Variants in CALCRL observed in about 807,000 individuals in gnomAD.
The protein encoded by CALCRL is calcitonin receptor like receptor.
CALCRL carries 27 observed loss-of-function variants against 60.4 expected under a neutral mutation model. The observed-to-expected ratio is 0.45, with a 90% CI of 0.33 to 0.62. The LOEUF (loss-of-function observed/expected upper bound fraction) is 0.62, where lower values mean the gene tolerates loss of function less well. Ranked by LOEUF, CALCRL falls within the 20% of genes least tolerant of loss-of-function variation. The probability of loss-of-function intolerance (pLI) is 0.03; values close to 1 mark genes in which losing one functional copy is unlikely to be tolerated. For missense variants in CALCRL, 424 were observed against 540.7 expected, an observed-to-expected ratio of 0.78 and a Z score of 2.14; for synonymous variants, 190 against 182.6, an observed-to-expected ratio of 1.04 and a Z score of -0.33.
intron 14 of CALCRL, among the ~76,000 whole-genome samples, chr2:187,347,984 C>T (rs1337328906): frequency 1.3e-5 from 2 of 151,558 alleles, no homozygotes; most frequent in African/African-American, 4.8e-5. Flanking sequence ...TCAGCCCTTT[C>T]AAGCTCAATT....
intron 9 of CALCRL, among the ~76,000 whole-genome samples, chr2:187,362,246 A>T (rs1263569275): frequency 6.6e-6 from 1 of 152,066 alleles, no homozygotes; most frequent in African/African-American, 2.4e-5. Flanking sequence ...TTAGAATCTC[A>T]TGCTCTGCAG....
At chr2:187,433,433 T>C (rs1223743050) in intron 1 of CALCRL, among the ~76,000 whole-genome samples, 1 of 152,094 alleles carries the variant, frequency 6.6e-6, no homozygotes, top group Non-Finnish European at 1.5e-5. Flanking sequence ...ACAATGTATG[T>C]GTGAACATGT....
chr2:187,407,326 C>T (rs562698297), intron 1 of CALCRL, among the ~76,000 whole-genome samples: 8 of 152,024 alleles, frequency 5.3e-5, no homozygotes, highest in Admixed American at 4.6e-4. Context: ...CAGTAAAACC[C>T]ACATATATTT....
At chr2:187,400,710 G>A (rs1033330240) in intron 1 of CALCRL, among the ~76,000 whole-genome samples, 7 of 151,382 alleles carry the variant, frequency 4.6e-5, no homozygotes, top group African/African-American at 7.3e-5. Flanking sequence ...AGAGGAAGGA[G>A]TACTTAATGC....
intron 1 of CALCRL, among the ~76,000 whole-genome samples, chr2:187,421,065 TC>T (rs1321112341): frequency 6.6e-6 from 1 of 152,186 alleles, no homozygotes; most frequent in Non-Finnish European, 1.5e-5. Context: ...CAGCAAGACC[TC>T]CCACGTGGAA....
chr2:187,437,870 T>A (rs367721799), intron 1 of CALCRL, among the ~76,000 whole-genome samples: 18 of 152,264 alleles, frequency 1.2e-4, no homozygotes, highest in African/African-American at 4.1e-4. Flanking sequence ...CTGCTTATGA[T>A]TTAAAATCCA....
intron 12 of CALCRL, among the ~76,000 whole-genome samples, chr2:187,354,887 T>A (rs1686703995): frequency 6.6e-6 from 1 of 152,034 alleles, no homozygotes; most frequent in African/African-American, 2.4e-5. Flanking sequence ...GAAGTCTGAA[T>A]CATGTACCCC....
At chr2:187,401,357 A>T (rs1688880917) in intron 1 of CALCRL, among the ~76,000 whole-genome samples, 1 of 151,714 alleles carries the variant, frequency 6.6e-6, no homozygotes, top group Non-Finnish European at 1.5e-5. Context: ...CATATCATGC[A>T]TGTAAACTCT....
intron 8 of CALCRL, among the ~76,000 whole-genome samples, chr2:187,377,492 G>A (rs1314823351): frequency 1.3e-5 from 2 of 152,108 alleles, no homozygotes; most frequent in African/African-American, 4.8e-5. Context: ...CTTGGGTTAG[G>A]AGGAGGTAGA....
At position 187,365,032 on chromosome 2, in the gene CALCRL, C is replaced by T. The variant is rs559775528; in HGVS notation, c.501-1530G>A. Among the ~76,000 whole-genome samples, 223 of 152,224 alleles carry T rather than the reference C, an allele frequency of 1.5e-3. 1 individual carries two copies. In the Middle Eastern group the frequency reaches 0.017, roughly 12 times the overall value. On this transcript the variant is annotated intron_variant, in intron 8 of 14. Transcript: ENST00000392370. ...GCAGACAGTAATCAGGGCTTATCTA[C>T]AGGTTATTGATTATATTCTATAGAA...
intron 1 of CALCRL, among the ~76,000 whole-genome samples, chr2:187,432,636 A>G (rs1343698301): frequency 6.6e-6 from 1 of 152,144 alleles, no homozygotes; most frequent in Non-Finnish European, 1.5e-5. Flanking sequence ...ATGTGTTTTT[A>G]AAACATATTA....
chr2:187,442,805 C>A (rs1052930662), intron 1 of CALCRL, among the ~76,000 whole-genome samples: 6 of 151,824 alleles, frequency 4.0e-5, no homozygotes, highest in Non-Finnish European at 8.8e-5. Context: ...CTTTTATTAT[C>A]TTGTGTTAGA....
At chr2:187,367,434 G>T (rs1687346419) in intron 8 of CALCRL, among the ~76,000 whole-genome samples, 1 of 152,088 alleles carries the variant, frequency 6.6e-6, no homozygotes, top group South Asian at 2.1e-4. Flanking sequence ...TTCTATCAAT[G>T]TCTAGTGTAA....
Position 187,344,898 on chromosome 2 carries a change from T to C in CALCRL, c.*1286A>G, listed in dbSNP as rs1242375730. 6.6e-6 allele frequency: 1 copy of C among 151,756 alleles called. No individual in the cohort carries two copies. Among genetic ancestry groups the C allele is most frequent in the Admixed American group, 6.6e-5 (1 of 15,182 alleles). 9.4% of individuals were successfully genotyped at this position (151,756 alleles called of 1,614,324 possible). A position where few individuals can be genotyped will look rare whatever the true frequency, so the allele number is the denominator to read the frequency against. On this transcript the variant is annotated 3_prime_UTR_variant, in exon 15 of 15. Coordinates refer to ENST00000392370, the MANE Select transcript of CALCRL (RefSeq NM_005795.6). ...GTTGTTTAAAATTTCTGGATTAGAA[T>C]GTGAGTTCATTGTCAAAATGAAAAA...
In CALCRL at chr2:187,346,236, C is replaced by CT; in HGVS notation, c.1333dup (p.Ser445LysfsTer4). 6.2e-7 allele frequency: 1 copy of CT among 1,611,608 alleles called. No homozygotes were observed. The highest frequency in any genetic ancestry group is 8.5e-7 in the Non-Finnish European group (1 of 1,178,546). On this transcript the variant is annotated frameshift_variant, in exon 15 of 15. Transcript: ENST00000392370. LOFTEE classifies it high-confidence loss of function. ...GAGAACATTTTCAATATCATGGATGCTTTTTCCATTTAAGTGTTCACTAGG... is the reference window on the plus strand; with the variant it reads ...GAGAACATTTTCAATATCATGGATGCTTTTTTCCATTTAAGTGTTCACTAGG...
intron 1 of CALCRL, among the ~76,000 whole-genome samples, chr2:187,429,788 G>A (rs950054089): frequency 4.6e-5 from 7 of 152,214 alleles, no homozygotes; most frequent in African/African-American, 1.7e-4. Flanking sequence ...TGTGAGACCA[G>A]GCTAATGAAG....
intron 1 of CALCRL, among the ~76,000 whole-genome samples, chr2:187,405,370 G>A (rs1689071769): frequency 6.6e-6 from 1 of 151,950 alleles, no homozygotes; most frequent in South Asian, 2.1e-4. Context: ...AATAAGGATG[G>A]GCACTGTCTC....
At chr2:187,424,811 A>G (rs1465902960) in intron 1 of CALCRL, among the ~76,000 whole-genome samples, 1 of 152,006 alleles carries the variant, frequency 6.6e-6, no homozygotes, top group Non-Finnish European at 1.5e-5. Context: ...TGGGAAGAAG[A>G]AATATTTTGT....
intron 1 of CALCRL, among the ~76,000 whole-genome samples, chr2:187,420,553 A>G (rs542099314): frequency 6.6e-6 from 1 of 152,236 alleles, no homozygotes; most frequent in South Asian, 2.1e-4. Context: ...AAAACAATAA[A>G]TCAGTAGGGC....
Sources: gnomAD v4.1 joint callset for allele counts (sites outside exome capture counted in the v4.1 genomes callset) on GRCh38, gnomAD v4.1.1 for gene constraint, MANE v1.5 for transcripts, NCBI Gene and HGNC (gene_info 2026-07-23, HGNC 2026-07-21) for gene names.